PDGFB: variants seen among roughly 807,000 people sequenced by gnomAD.
PDGFB encodes platelet-derived growth factor subunit B.
In PDGFB, 6 loss-of-function variants were observed where a neutral mutation model predicts 29.0. The observed-to-expected ratio is 0.21, with a 90% CI of 0.11 to 0.41. The LOEUF (loss-of-function observed/expected upper bound fraction) is 0.41. PDGFB is among the 10% of genes least tolerant of loss of function. PDGFB has a pLI of 1.00. For synonymous variants in PDGFB, 144 were observed against 140.8 expected, an observed-to-expected ratio of 1.02 and a Z score of -0.16; for missense variants, 299 against 341.8, an observed-to-expected ratio of 0.87 and a Z score of 0.99.
intron 2 of PDGFB, 43 bp from the exon 3 acceptor site, chr22:39,233,567 G>A: frequency 2.1e-6 from 3 of 1,432,690 alleles, no homozygotes; most frequent in Non-Finnish European, 2.9e-6. Context: ...GCCCCACCTT[G>A]GGCAGGGGCT....
At position 39,243,240 on chromosome 22, in the gene PDGFB, GTCTCTCTCTCCGTCTC is replaced by G. The variant is rs879614044; in HGVS notation, c.63+645_63+660del. Among the ~76,000 whole-genome samples the G allele has an allele frequency of 2.9e-4, 42 of 144,056 alleles. No homozygotes were observed. Among genetic ancestry groups the G allele is most frequent in the African/African-American group, 8.7e-4 (34 of 39,100 alleles). The allele number at this position is 144,056 out of a possible 152,430, so 94.5% of individuals were successfully genotyped here. ...TATCTTTCTCTCCCTCTCTCTCTCCGTCTCTCTCTCCGTCTCTCTCTCTCTCTCTCTCTTTCTCTCT... is the reference window on the plus strand; with the variant it reads ...TATCTTTCTCTCCCTCTCTCTCTCCGTCTCTCTCTCTCTCTCTTTCTCTCT... On this transcript the variant is annotated intron_variant, in intron 1 of 6. Coordinates refer to ENST00000331163, the MANE Select transcript of PDGFB (RefSeq NM_002608.4). This position sits in a 1 kb window ranked among gnomAD's most constrained non-coding sequence, Gnocchi z 6.4.
rs578133598 is a variant in PDGFB, at chr22:39,244,801, CT to C, written c.-839del. On this transcript the variant is annotated 5_prime_UTR_variant, in exon 1 of 7. Transcript: ENST00000331163. This position sits in a 1 kb window ranked among gnomAD's most constrained non-coding sequence, Gnocchi z 4.5. ...CTTTGCAGCGAGGCTGGAGGGTGGG[CT>C]TTTTTTTTTTTTTTTCCTTTTTGCG... is the stretch of plus-strand genomic sequence containing the variant. 11,482 of 156,740 alleles carry C rather than the reference CT, an allele frequency of 0.073. 37 individuals carry two copies. The highest frequency in any genetic ancestry group is 0.18 in the East Asian group (1,722 of 9,796). 9.7% of individuals were successfully genotyped at this position (156,740 alleles called of 1,614,324 possible).
chr22:39,229,985 G>A, intron 5 of PDGFB, 99 bp downstream of exon 5: 9 of 1,351,708 alleles, frequency 6.7e-6, no homozygotes, highest in East Asian at 2.3e-5. Flanking sequence ...GAATTTAACC[G>A]GGGGCGGGCC....
rs771445407 is a variant in PDGFB, at chr22:39,230,102, C to T, written c.583G>A (p.Gly195Ser). 3 of 1,613,718 alleles carry T rather than the reference C, an allele frequency of 1.9e-6. No individual in the cohort carries two copies. Among genetic ancestry groups the T allele is most frequent in the Non-Finnish European group, 2.5e-6 (3 of 1,179,984 alleles). Residue 195 changes from glycine to serine, a missense_variant, in exon 5 of 7, where the codon GGT becomes AGT. Gly to Ser is a moderately conservative substitution (Grantham distance 56, BLOSUM62 0). Coordinates refer to ENST00000331163, the MANE Select transcript of PDGFB (RefSeq NM_002608.4). ...AARPVTRSPG[G>S]SQEQRAKTPQ... Reference sequence around the variant, plus strand: ...TGGTTACCTCGCTGCTCCTGGGAACCCCCCGGGCTTCGGGTCACAGGCCGT... The same window carrying T: ...TGGTTACCTCGCTGCTCCTGGGAACTCCCCGGGCTTCGGGTCACAGGCCGT...
At chr22:39,229,804 C>A (rs1041375805) in intron 5 of PDGFB, among the ~76,000 whole-genome samples, 1 of 152,170 alleles carries the variant, frequency 6.6e-6, no homozygotes, top group Non-Finnish European at 1.5e-5. Flanking sequence ...AGCCTTGAGG[C>A]AGAAACTCCA....
At chr22:39,235,423 G>A (rs1932417815) in intron 2 of PDGFB, among the ~76,000 whole-genome samples, 2 of 152,330 alleles carry the variant, frequency 1.3e-5, no homozygotes, top group African/African-American at 4.8e-5. Flanking sequence ...CTAGCCAGAG[G>A]GGCGGGGAGA....
chr22:39,229,049 G>T (rs1262077484), intron 5 of PDGFB, among the ~76,000 whole-genome samples: 1 of 152,036 alleles, frequency 6.6e-6, no homozygotes, highest in Admixed American at 6.6e-5. Context: ...ATAAGACACA[G>T]ATGCCAAGAA....
chr22:39,242,638 G>A lies in PDGFB; in HGVS notation c.63+1263C>T, dbSNP rs1029072017. 1.3e-5 allele frequency among the ~76,000 whole-genome samples: 2 copies of A among 151,774 alleles called. No individual in the cohort carries two copies. Among genetic ancestry groups the A allele is most frequent in the African/African-American group, 2.4e-5 (1 of 41,376 alleles). On this transcript the variant is annotated intron_variant, in intron 1 of 6. Transcript: ENST00000331163. This position sits in a 1 kb window ranked among gnomAD's most constrained non-coding sequence, Gnocchi z 5.7. Reference sequence around the variant, plus strand: ...AGGAGCCCCGAGAACAAAAGGAGACGGCGACGGCTCCTCCGTGGTCAAAAC... The same window carrying A: ...AGGAGCCCCGAGAACAAAAGGAGACAGCGACGGCTCCTCCGTGGTCAAAAC...
intron 5 of PDGFB, 125 bp downstream of exon 5, chr22:39,229,951 CAAGATGAA>C: frequency 9.2e-7 from 1 of 1,086,786 alleles, no homozygotes; most frequent in South Asian, 1.5e-5. Context: ...TGTGTCTCAG[CAAGATGAA>C]AAGAAAGCCT....
At position 39,233,537 on chromosome 22, in the gene PDGFB, T is replaced by C. The variant is rs778945340; in HGVS notation, c.161-13A>G. The C allele has an allele frequency of 8.3e-6, 13 of 1,573,386 alleles. No individual in the cohort carries two copies. The highest frequency in any genetic ancestry group is 1.9e-5 in the Admixed American group (1 of 52,890). ...GCCCCATCTTCCTCTGCAGGAGAAG[T>C]CACAGTCAGACACCAGGCGGCCCCA... is the stretch of plus-strand genomic sequence containing the variant. On this transcript the variant is annotated splice_polypyrimidine_tract_variant and intron_variant, in intron 2 of 6. Transcript: ENST00000331163.
rs1800818 is a variant in PDGFB at position 39,244,698 on chromosome 22, C to T, written c.-735G>A. 105,954 of 177,472 alleles carry T rather than the reference C, an allele frequency of 0.6. 33,495 individuals carry two copies. Among genetic ancestry groups the T allele is most frequent in the East Asian group, 0.87 (9,668 of 11,172 alleles). 11.0% of individuals were successfully genotyped at this position (177,472 alleles called of 1,614,324 possible). On this transcript the variant is annotated 5_prime_UTR_variant, in exon 1 of 7. Transcript: ENST00000331163. This position sits in a 1 kb window ranked among gnomAD's most constrained non-coding sequence, Gnocchi z 4.5. ...GAGTCCGTCGGTCCGTCTGCCCGCC[C>T]GCTCGCCGCTCTGGGCGTCCTCTGC...
At chr22:39,236,696 C>T (rs1192036044) in intron 1 of PDGFB, among the ~76,000 whole-genome samples, 1 of 152,250 alleles carries the variant, frequency 6.6e-6, no homozygotes, top group Non-Finnish European at 1.5e-5. Flanking sequence ...ACGTCCCCCA[C>T]AGTCCCAGGA....
At chr22:39,234,174 T>G (rs558416334) in intron 2 of PDGFB, among the ~76,000 whole-genome samples, 11 of 152,190 alleles carry the variant, frequency 7.2e-5, no homozygotes, top group African/African-American at 2.7e-4. Flanking sequence ...TATCTGTATC[T>G]GTGTCTGTCT....
Position 39,231,752 on chromosome 22 carries a change from C to A in PDGFB, c.326G>T (p.Arg109Leu). The change falls in exon 4 of 7, where the codon CGC becomes CTC. Residue 109 changes from arginine (R) to leucine (L), a missense_variant. Physicochemically the swap from Arg to Leu is moderately radical, Grantham distance 102. Coordinates refer to ENST00000331163, the MANE Select transcript of PDGFB (RefSeq NM_002608.4). This position sits in a 1 kb window ranked among gnomAD's most constrained non-coding sequence, Gnocchi z 4.3. ...GTTGGCGTTGGTGCGGTCTATGAGGCGCCGGGAGATCTCGAACACCTCGGT... is the reference window on the plus strand; with the variant it reads ...GTTGGCGTTGGTGCGGTCTATGAGGAGCCGGGAGATCTCGAACACCTCGGT... ...TRTEVFEISR[R>L]LIDRTNANFL... 6.2e-7 allele frequency: 1 copy of A among 1,613,204 alleles called. No individual in the cohort carries two copies. Among genetic ancestry groups the A allele is most frequent in the Non-Finnish European group, 8.5e-7 (1 of 1,179,748 alleles).
intron 1 of PDGFB, among the ~76,000 whole-genome samples, chr22:39,240,124 A>G (rs1601602441): frequency 6.6e-6 from 1 of 151,906 alleles, no homozygotes; most frequent in South Asian, 2.1e-4. Context: ...TGCTCTTGGG[A>G]CCCTCCCGCT....
intron 1 of PDGFB, among the ~76,000 whole-genome samples, chr22:39,237,439 C>T (rs1318054248): frequency 6.6e-6 from 1 of 152,184 alleles, no homozygotes; most frequent in African/African-American, 2.4e-5. Flanking sequence ...GGTGGCAGGG[C>T]TTGGCTGAGA....
At chr22:39,228,893 A>AAAAAAAAATATAT (rs1184799325) in intron 5 of PDGFB, among the ~76,000 whole-genome samples, 1,466 of 132,524 alleles carry the variant, frequency 0.011, 27 homozygotes, top group Middle Eastern at 0.031. Context: ...CCTCAAAAAA[A>AAAAAAAAATATAT]ATATATATAT....
rs779984856 is a variant in PDGFB, at chr22:39,231,781, C to T, written c.297G>A (p.Thr99=). Residue 99 remains threonine (T), a synonymous_variant, in exon 4 of 7, where the codon ACG becomes ACA. Coordinates refer to ENST00000331163, the MANE Select transcript of PDGFB (RefSeq NM_002608.4). The surrounding 1 kb of genome is among the most constrained non-coding windows in gnomAD (Gnocchi z 4.3). ...GGGAGATCTCGAACACCTCGGTGCG[C>T]GTCTTGCACTCGGCGATCATGGCCG... ...AEPAMIAECK[T]RTEVFEISRR... is the part of the protein sequence containing the mutation. 32 of 1,613,610 alleles carry T rather than the reference C, an allele frequency of 2.0e-5. No homozygotes were observed. Among genetic ancestry groups the T allele is most frequent in the Admixed American group, 3.3e-5 (2 of 59,978 alleles).
intron 4 of PDGFB, among the ~76,000 whole-genome samples, chr22:39,230,531 C>T (rs533144231): frequency 1.3e-5 from 2 of 152,244 alleles, no homozygotes; most frequent in Non-Finnish European, 2.9e-5. Flanking sequence ...TCCTCATTCC[C>T]GGAGCGCCAG....
Sources: gnomAD v4.1 joint callset for allele counts (sites outside exome capture counted in the v4.1 genomes callset) on GRCh38, gnomAD v4.1.1 for gene constraint, Gnocchi (gnomAD v3.1) non-coding constraint, MANE v1.5 for transcripts, NCBI Gene and HGNC (gene_info 2026-07-23, HGNC 2026-07-21) for gene names.